The following HGH1 variants were observed in gnomAD, a reference collection of about 807,000 sequenced individuals.
HGH1 encodes the protein co-chaperone protein HGH1 homolog.
In HGH1, 31 loss-of-function variants were observed where a neutral mutation model predicts 31.7. That is an observed-to-expected ratio of 0.98 (90% CI 0.73 to 1.32). The LOEUF is 1.32. Among genes scored for constraint, HGH1 ranks in the 40% most tolerant of loss-of-function variants. The pLI, the probability that HGH1 is intolerant of heterozygous loss-of-function variation, is 0.00. For missense variants in HGH1, 618 were observed against 594.4 expected (o/e 1.04, Z -0.41); for synonymous variants, 284 against 293.6 (o/e 0.97, Z 0.34).
Position 144,138,009 on chromosome 8 carries a change from G to C in HGH1, c.174G>C (p.Leu58Phe). Reference protein sequence around the residue: ...LTGCGPGRALLAGQAALLQAL... With the variant: ...LTGCGPGRALFAGQAALLQAL... ...GCTGCGGACCCGGCCGCGCGCTGTT[G>C]GCGGGGCAGGCGGCGCTGCTGCAGG... The change falls in exon 1 of 6, where the codon TTG becomes TTC. Residue 58 changes from leucine (L) to phenylalanine (F), a missense_variant. Leu to Phe is a conservative substitution (Grantham distance 22, BLOSUM62 0). Transcript: ENST00000347708. 7.7e-7 allele frequency: 1 copy of C among 1,305,536 alleles called. No homozygotes were observed. The highest frequency in any genetic ancestry group is 9.7e-7 in the Non-Finnish European group (1 of 1,026,652). The allele number at this position is 1,305,536 out of a possible 1,614,324, so 80.9% of individuals were successfully genotyped here.
Position 144,140,217 on chromosome 8 carries a change from G to C in HGH1, c.*665G>C, listed in dbSNP as rs963768608. 6.4e-6 allele frequency: 1 copy of C among 156,900 alleles called. No individual in the cohort carries two copies. The highest frequency in any genetic ancestry group is 2.4e-5 in the African/African-American group (1 of 41,440). The allele number at this position is 156,900 out of a possible 1,614,324, so 9.7% of individuals were successfully genotyped here. A position where few individuals can be genotyped will look rare whatever the true frequency, so the allele number is the denominator to read the frequency against. ...TCTAGCTAGGCCGTCTCCCTGGTCA[G>C]CTTCCTTGAGCCTGGGCCACTCCTC... is the stretch of plus-strand genomic sequence containing the variant. On this transcript the variant is annotated 3_prime_UTR_variant, in exon 6 of 6. Transcript: ENST00000347708.
At position 144,138,441 on chromosome 8, in the gene HGH1, G is replaced by A. The variant is rs1178234695; in HGVS notation, c.593+13G>A. 5.8e-5 allele frequency: 92 copies of A among 1,585,896 alleles called. No homozygotes were observed. The highest frequency in any genetic ancestry group is 7.8e-5 in the Non-Finnish European group (91 of 1,173,356). On this transcript the variant is annotated intron_variant, in intron 1 of 5. Transcript: ENST00000347708. ...TGGACCCCGACAGGTGAAGCCCAGG[G>A]CGCCCGCGCGGGCGGGGAGGGGACG...
At position 144,139,219 on chromosome 8, in the gene HGH1, G is replaced by A. The variant is rs916766370; in HGVS notation, c.916G>A (p.Val306Met). The A allele has an allele frequency of 8.7e-6, 14 of 1,613,988 alleles. No homozygotes were observed. The African/African-American group carries it at 1.5e-4, about 17-fold the overall frequency. The change falls in exon 5 of 6, where the codon GTG becomes ATG. Residue 306 changes from valine (V) to methionine (M), a missense_variant. Physicochemically the swap from Val to Met is conservative, Grantham distance 21. Coordinates refer to ENST00000347708, the MANE Select transcript of HGH1 (RefSeq NM_016458.4). The stretch of plus-strand genomic sequence containing the variant: ...AGCCACAGCACCAGGTCGGCAGCAG[G>A]TGCGGGACCAGGGAGCCTACCTGAT... ...LTATAPGRQQ[V>M]RDQGAYLILR...
In HGH1 at chr8:144,139,692, G is replaced by A. The variant is rs1197507905; in HGVS notation, c.*140G>A. On this transcript the variant is annotated 3_prime_UTR_variant, in exon 6 of 6. Coordinates refer to ENST00000347708, the MANE Select transcript of HGH1 (RefSeq NM_016458.4). ...TTCTGAGAAGCAGAGCTACGCTTAG[G>A]CTCCAGTAAGGATTGGAGGCACTTT... is the stretch of plus-strand genomic sequence containing the variant. 6.3e-6 allele frequency: 8 copies of A among 1,269,550 alleles called. No homozygotes were observed. The highest frequency in any genetic ancestry group is 8.6e-6 in the Non-Finnish European group (8 of 929,876). The allele number at this position is 1,269,550 out of a possible 1,614,324, so 78.6% of individuals were successfully genotyped here.
chr8:144,139,744 C>G lies in HGH1; in HGVS notation c.*192C>G, dbSNP rs1023929581. 2.0e-4 allele frequency: 162 copies of G among 813,098 alleles called. No individual in the cohort carries two copies. The highest frequency in any genetic ancestry group is 2.5e-4 in the Admixed American group (9 of 35,486). The allele number at this position is 813,098 out of a possible 1,614,324, so 50.4% of individuals were successfully genotyped here. ...CAGCCCTGTGCAGTGTTGCTACCAG[C>G]AAGAATGAAGGTTGTGCAGAGCAGT... On this transcript the variant is annotated 3_prime_UTR_variant, in exon 6 of 6. Transcript: ENST00000347708.
In HGH1 at chr8:144,138,350, C is replaced by T; in HGVS notation, c.515C>T (p.Pro172Leu). The T allele has an allele frequency of 6.4e-7, 1 of 1,563,516 alleles. No homozygotes were observed. The highest frequency in any genetic ancestry group is 8.6e-7 in the Non-Finnish European group (1 of 1,164,492). ...LCTPGYNARA[P>L]LHYLAPLLSN... The stretch of plus-strand genomic sequence containing the variant: ...ACGCCCGGCTACAACGCCCGCGCGC[C>T]CCTGCACTACCTAGCGCCGCTGCTC... Residue 172 changes from proline (P) to leucine (L), a missense_variant, in exon 1 of 6, where the codon CCC (proline) becomes CTC (leucine). Physicochemically the swap from Pro to Leu is moderately conservative, Grantham distance 98 (BLOSUM62 -3). Transcript: ENST00000347708.
rs1053153924 is a variant in HGH1, at chr8:144,140,152, T to C, written c.*600T>C. The C allele has an allele frequency of 6.2e-6, 1 of 161,398 alleles. No homozygotes were observed. Among genetic ancestry groups the C allele is most frequent in the Admixed American group, 5.6e-5 (1 of 17,700 alleles). 10.0% of individuals were successfully genotyped at this position (161,398 alleles called of 1,614,324 possible). On this transcript the variant is annotated 3_prime_UTR_variant, in exon 6 of 6. Transcript: ENST00000347708. ...CTTGTCAGCTCCCTAAGTCTTCCTG[T>C]TTCCCAGTCTCAGATTGAGTGGGTG...
Position 144,138,192 on chromosome 8 carries a change from C to A in HGH1, c.357C>A (p.Pro119=). ...GCCGCGCGTTGGACCCGCAGTGGCC[C>A]TGGGCCGAGGAGGCGGCCGCCGCGC... ...LMGRALDPQW[P]WAEEAAAALA... is the part of the protein sequence containing the mutation. Residue 119 remains proline, a synonymous_variant, in exon 1 of 6, where the codon CCC becomes CCA. Transcript: ENST00000347708. The A allele has an allele frequency of 1.5e-6, 2 of 1,361,416 alleles. No individual in the cohort carries two copies. Among genetic ancestry groups the A allele is most frequent in the Non-Finnish European group, 1.9e-6 (2 of 1,064,056 alleles). 84.3% of individuals were successfully genotyped at this position (1,361,416 alleles called of 1,614,324 possible). A position where few individuals can be genotyped will look rare whatever the true frequency, so the allele number is the denominator to read the frequency against.
intron 2 of HGH1, 30 bp downstream of exon 2, chr8:144,138,637 G>A: frequency 6.2e-7 from 1 of 1,602,250 alleles, no homozygotes; most frequent in Non-Finnish European, 8.5e-7. Flanking sequence ...GGGGTGCGTT[G>A]CCAGGTGTGG....
rs929498580 is a variant in HGH1, at chr8:144,138,377, C to A, written c.542C>A (p.Ser181Tyr). The change falls in exon 1 of 6, where the codon TCC becomes TAC. Residue 181 changes from serine to tyrosine, a missense_variant. Transcript: ENST00000347708. ...CTGCACTACCTAGCGCCGCTGCTCTCCAACCTCAGCCAACGCCCTGCGGCG... is the reference window on the plus strand; with the variant it reads ...CTGCACTACCTAGCGCCGCTGCTCTACAACCTCAGCCAACGCCCTGCGGCG... Reference protein sequence around the residue: ...APLHYLAPLLSNLSQRPAARA... With the variant: ...APLHYLAPLLYNLSQRPAARA... 1 of 1,584,862 alleles carries A rather than the reference C, an allele frequency of 6.3e-7. No homozygotes were observed.
At position 144,138,745 on chromosome 8, in the gene HGH1, TG is replaced by T; in HGVS notation, c.727del (p.Asp243ThrfsTer54). 2 of 1,613,816 alleles carry T rather than the reference TG, an allele frequency of 1.2e-6. No individual in the cohort carries two copies. Among genetic ancestry groups the T allele is most frequent in the Non-Finnish European group, 1.7e-6 (2 of 1,179,828 alleles). On this transcript the variant is annotated frameshift_variant, in exon 3 of 6. Transcript: ENST00000347708. LOFTEE classifies it high-confidence loss of function. Reference sequence around the variant, plus strand: ...CACGAGTGGTTGCTTGGACCTGAGGTGGACATTCTCCCCTTTTTGCTCCTGC... The same window carrying T: ...CACGAGTGGTTGCTTGGACCTGAGGTGACATTCTCCCCTTTTTGCTCCTGC... Reference protein sequence around the residue: ...RHHEWLLGPEVDILPFLLLPL... With the variant: ...RHHEWLLGPEXDILPFLLLPL...
chr8:144,139,270 C>T lies in HGH1; in HGVS notation c.967C>T (p.Pro323Ser), dbSNP rs1564330138. Residue 323 changes from proline (P) to serine (S), a missense_variant, in exon 5 of 6, where the codon CCG (proline) becomes TCG (serine). Transcript: ENST00000347708. ...LILRELHSWE[P>S]EPDVRTACEK... ...CCTTCGAGAGCTGCACAGCTGGGAG[C>T]CGGAGCCCGACGTGCGGACGGCTTG... 6 of 1,614,008 alleles carry T rather than the reference C, an allele frequency of 3.7e-6. No individual in the cohort carries two copies. The highest frequency in any genetic ancestry group is 5.1e-6 in the Non-Finnish European group (6 of 1,179,864).
intron 3 of HGH1, 81 bp downstream of exon 3, chr8:144,138,894 G>A (rs1241677596): frequency 5.0e-6 from 8 of 1,602,222 alleles, no homozygotes; most frequent in Non-Finnish European, 6.8e-6. Context: ...CCAGGCCACA[G>A]GCTCCTGAAA....
chr8:144,138,455 G>A, intron 1 of HGH1, 27 bp downstream of exon 1: 1 of 1,589,056 alleles, frequency 6.3e-7, no homozygotes, highest in Non-Finnish European at 8.5e-7. Context: ...CCGCGCGGGC[G>A]GGGAGGGGAC....
chr8:144,140,120 C>T lies in HGH1; in HGVS notation c.*568C>T, dbSNP rs1433635141. 1.2e-5 allele frequency: 2 copies of T among 166,110 alleles called. No homozygotes were observed. Among genetic ancestry groups the T allele is most frequent in the Non-Finnish European group, 2.7e-5 (2 of 75,164 alleles). 10.3% of individuals were successfully genotyped at this position (166,110 alleles called of 1,614,324 possible). A position where few individuals can be genotyped will look rare whatever the true frequency, so the allele number is the denominator to read the frequency against. ...TTGACCTATGCTCCAGGACCCTGCC[C>T]TCAACCCTTGTCAGCTCCCTAAGTC... On this transcript the variant is annotated 3_prime_UTR_variant, in exon 6 of 6. Transcript: ENST00000347708.
In HGH1 at chr8:144,139,786, C is replaced by G; in HGVS notation, c.*234C>G. On this transcript the variant is annotated 3_prime_UTR_variant, in exon 6 of 6. Coordinates refer to ENST00000347708, the MANE Select transcript of HGH1 (RefSeq NM_016458.4). ...CAGAGCAGTACTGTGAGGTAGGCACCGTGACTCGGCTGCCTGTGCAGAAGG... is the reference window on the plus strand; with the variant it reads ...CAGAGCAGTACTGTGAGGTAGGCACGGTGACTCGGCTGCCTGTGCAGAAGG... 1 of 647,616 alleles carries G rather than the reference C, an allele frequency of 1.5e-6. No homozygotes were observed. The highest frequency in any genetic ancestry group is 4.2e-4 in the Middle Eastern group (1 of 2,372). The allele number at this position is 647,616 out of a possible 1,614,324, so 40.1% of individuals were successfully genotyped here. A position where few individuals can be genotyped will look rare whatever the true frequency, so the allele number is the denominator to read the frequency against.
Position 144,139,236 on chromosome 8 carries a change from C to G in HGH1, c.933C>G (p.Ala311=). The change falls in exon 5 of 6, where the codon GCC becomes GCG. Residue 311 remains alanine (A), a synonymous_variant. Coordinates refer to ENST00000347708, the MANE Select transcript of HGH1 (RefSeq NM_016458.4). ...GGCAGCAGGTGCGGGACCAGGGAGC[C>G]TACCTGATCCTTCGAGAGCTGCACA... ...PGRQQVRDQG[A]YLILRELHSW... is the part of the protein sequence containing the mutation. The G allele has an allele frequency of 6.2e-7, 1 of 1,614,004 alleles. No homozygotes were observed. The highest frequency in any genetic ancestry group is 8.5e-7 in the Non-Finnish European group (1 of 1,179,864).
chr8:144,138,504 C>G lies in HGH1; in HGVS notation c.594-3C>G, dbSNP rs1378639903. The G allele has an allele frequency of 6.8e-6, 11 of 1,609,038 alleles. No individual in the cohort carries two copies. Among genetic ancestry groups the G allele is most frequent in the Non-Finnish European group, 8.5e-6 (10 of 1,178,506 alleles). ...GACGGCCCTAAGTGACACCTCCCAA[C>G]AGGTGCGTGGTCCAGCGGCTGCTGC... On this transcript the variant is annotated splice_region_variant and splice_polypyrimidine_tract_variant and intron_variant, in intron 1 of 5. Transcript: ENST00000347708.
In HGH1 at chr8:144,137,847, C is replaced by CGGGGCT. The variant is rs1383972592; in HGVS notation, c.15_20dup (p.Gly9_Ala10dup). On this transcript the variant is annotated inframe_insertion, in exon 1 of 6. Coordinates refer to ENST00000347708, the MANE Select transcript of HGH1 (RefSeq NM_016458.4). ...GAGTGTCGCTCGACATGGGGGAGGCCGGGGCTGGCGCTGGCGCCTCGGGAG... is the reference window on the plus strand; with the variant it reads ...GAGTGTCGCTCGACATGGGGGAGGCCGGGGCTGGGGCTGGCGCTGGCGCCTCGGGAG... The CGGGGCT allele has an allele frequency of 5.8e-5, 75 of 1,287,736 alleles. No individual in the cohort carries two copies. Among genetic ancestry groups the CGGGGCT allele is most frequent in the Non-Finnish European group, 6.8e-5 (69 of 1,019,680 alleles). 79.8% of individuals were successfully genotyped at this position (1,287,736 alleles called of 1,614,324 possible). A position where few individuals can be genotyped will look rare whatever the true frequency, so the allele number is the denominator to read the frequency against.
Sources: allele counts gnomAD v4.1 joint callset, GRCh38; gene constraint gnomAD v4.1.1; transcripts MANE v1.5; gene names NCBI Gene and HGNC (gene_info 2026-07-23, HGNC 2026-07-21).